Variants in EHBP1 observed in about 807,000 individuals in gnomAD.
EHBP1 encodes EH domain-binding protein 1.
A neutral mutation model predicts 144.0 loss-of-function variants in EHBP1; 55 were observed. The ratio of observed to expected loss-of-function variants is 0.38; its 90% CI spans 0.31 to 0.48. EHBP1 has a LOEUF of 0.48. EHBP1 is among the 20% of genes least tolerant of loss of function. The pLI, the probability that EHBP1 is intolerant of heterozygous loss-of-function variation, is 0.98. For synonymous variants in EHBP1, 469 were observed against 472.7 expected (o/e 0.99, Z 0.10); for missense variants, 1,200 against 1,364.2 (o/e 0.88, Z 1.90).
chr2:62,754,136 G>A (rs893345660), intron 3 of EHBP1, among the ~76,000 whole-genome samples: 2 of 152,002 alleles, frequency 1.3e-5, no homozygotes, highest in Admixed American at 1.3e-4. Context: ...ATCTACCTTC[G>A]GTCTTTGATG....
At chr2:62,706,778 A>G (rs1466401824) in intron 1 of EHBP1, 119 bp from the exon 2 acceptor site, 3 of 167,126 alleles carry the variant, frequency 1.8e-5, no homozygotes, top group Non-Finnish European at 3.9e-5. Context: ...TTCATTGTTT[A>G]AAAGACATGC....
At chr2:63,020,980 A>ATTTTTTTTT (rs761382729) in intron 19 of EHBP1, among the ~76,000 whole-genome samples, 1 of 68,580 alleles carries the variant, frequency 1.5e-5, no homozygotes, top group African/African-American at 6.1e-5. Context: ...GCCTGGCCTC[A>ATTTTTTTTT]TTTTTTTTTT....
intron 2 of EHBP1, among the ~76,000 whole-genome samples, chr2:62,724,563 C>G (rs2036556388): frequency 6.6e-6 from 1 of 151,966 alleles, no homozygotes; most frequent in Non-Finnish European, 1.5e-5. Context: ...TTTGAATTGT[C>G]AGAGTTCTTT....
At chr2:62,754,993 T>C (rs1445552406) in intron 3 of EHBP1, among the ~76,000 whole-genome samples, 1 of 152,182 alleles carries the variant, frequency 6.6e-6, no homozygotes, top group African/African-American at 2.4e-5. Context: ...GCACCCACTG[T>C]CCTGCACCCA....
At chr2:62,845,229 T>C (rs1033252769) in intron 7 of EHBP1, among the ~76,000 whole-genome samples, 1 of 152,108 alleles carries the variant, frequency 6.6e-6, no homozygotes, top group Non-Finnish European at 1.5e-5. Flanking sequence ...AGCTAAAACC[T>C]GTGGCCTTAC....
chr2:62,837,803 A>G (rs1380083115), intron 7 of EHBP1, among the ~76,000 whole-genome samples: 1 of 152,160 alleles, frequency 6.6e-6, no homozygotes, highest in African/African-American at 2.4e-5. Flanking sequence ...TCCTAAATAT[A>G]TATGCACCCA....
intron 1 of EHBP1, among the ~76,000 whole-genome samples, chr2:62,684,034 A>C (rs2033630845): frequency 6.6e-6 from 1 of 152,240 alleles, no homozygotes; most frequent in South Asian, 2.1e-4. Flanking sequence ...GAGTGGCCTG[A>C]TCAAGTGTAA....
At chr2:62,764,436 A>G in intron 4 of EHBP1, 75 bp downstream of exon 4, 2 of 1,188,230 alleles carry the variant, frequency 1.7e-6, no homozygotes, top group Non-Finnish European at 2.3e-6. Context: ...TTCAGTGTTC[A>G]TTGTTCTATA....
intron 10 of EHBP1, among the ~76,000 whole-genome samples, chr2:62,876,227 A>G (rs889155418): frequency 2.0e-5 from 3 of 152,206 alleles, no homozygotes; most frequent in African/African-American, 7.2e-5. Context: ...GTAAAGGCAG[A>G]GAGAAAGGGC....
chr2:62,719,930 A>G (rs932971667), intron 2 of EHBP1, among the ~76,000 whole-genome samples: 2 of 152,176 alleles, frequency 1.3e-5, no homozygotes, highest in Non-Finnish European at 1.5e-5. Context: ...TCAGTTTCAA[A>G]ATTAGATTGC....
upstream of EHBP1, among the ~76,000 whole-genome samples, chr2:62,704,424 C>T (rs1400696301): frequency 1.3e-5 from 2 of 152,218 alleles, no homozygotes; most frequent in African/African-American, 4.8e-5. Flanking sequence ...TCACTGCTCT[C>T]TCTTCCTGTC....
chr2:62,777,982 C>G (rs776387797), intron 5 of EHBP1, among the ~76,000 whole-genome samples: 6 of 152,198 alleles, frequency 3.9e-5, no homozygotes, highest in Non-Finnish European at 7.3e-5. Flanking sequence ...TGTTTTGTAA[C>G]TGTTAACCCA....
chr2:62,715,487 T>G (rs781763779), intron 2 of EHBP1, among the ~76,000 whole-genome samples: 6 of 152,058 alleles, frequency 3.9e-5, no homozygotes, highest in Non-Finnish European at 8.8e-5. Context: ...AATATATTAT[T>G]TCTGAATTTT....
upstream of EHBP1, among the ~76,000 whole-genome samples, chr2:62,705,208 G>C (rs936589435): frequency 3.3e-5 from 5 of 152,126 alleles, no homozygotes; most frequent in Admixed American, 2.0e-4. Context: ...CTAGTTGCCA[G>C]TGGCGGAGGA....
At chr2:62,940,772 C>G (rs988610082) in intron 10 of EHBP1, among the ~76,000 whole-genome samples, 2 of 151,956 alleles carry the variant, frequency 1.3e-5, no homozygotes, top group African/African-American at 4.8e-5. Flanking sequence ...GTTGGAAGTA[C>G]AGTAAGCATC....
At chr2:63,017,459 G>A (rs894893222) in intron 19 of EHBP1, among the ~76,000 whole-genome samples, 2 of 152,204 alleles carry the variant, frequency 1.3e-5, no homozygotes, top group Non-Finnish European at 2.9e-5. Context: ...AGTTGATGTA[G>A]TATGGCAACT....
chr2:63,010,013 T>C (rs2060203956), intron 19 of EHBP1, among the ~76,000 whole-genome samples: 1 of 151,496 alleles, frequency 6.6e-6, no homozygotes, highest in African/African-American at 2.4e-5. Flanking sequence ...TGTACTATAC[T>C]CACCTATTTT....
chr2:62,882,890 A>C (rs1016503318), intron 10 of EHBP1, among the ~76,000 whole-genome samples: 1 of 151,878 alleles, frequency 6.6e-6, no homozygotes, highest in African/African-American at 2.4e-5. Flanking sequence ...CTCAAAAAAA[A>C]AAAAAAGAAA....
intron 13 of EHBP1, among the ~76,000 whole-genome samples, chr2:62,952,807 C>T (rs1037051290): frequency 1.3e-5 from 2 of 152,082 alleles, no homozygotes; most frequent in African/African-American, 4.8e-5. Context: ...AATCGTAGCC[C>T]AAATATAATG....
Sources: allele counts gnomAD v4.1 joint callset (sites outside exome capture counted in the v4.1 genomes callset), GRCh38; gene constraint gnomAD v4.1.1; transcripts MANE v1.5; gene names NCBI Gene and HGNC (gene_info 2026-07-23, HGNC 2026-07-21).